The following CRLF1 variants were observed in gnomAD, a reference collection of about 807,000 sequenced individuals.
CRLF1 encodes the protein cytokine receptor like factor 1, also known as cytokine receptor-like factor 1.
In CRLF1, 36 loss-of-function variants were observed where a neutral mutation model predicts 48.9. That is an observed-to-expected ratio of 0.74 (90% CI 0.56 to 0.97). CRLF1 has a LOEUF of 0.97. Among genes scored for constraint, CRLF1 ranks in the 50% least tolerant of loss-of-function variants. The pLI is 0.00. For missense variants in CRLF1, 534 were observed against 575.1 expected, an observed-to-expected ratio of 0.93 and a Z score of 0.73; for synonymous variants, 256 against 253.4, an observed-to-expected ratio of 1.01 and a Z score of -0.10.
rs759145036 is a variant in CRLF1, at chr19:18,594,200, C to G, written c.1212+47G>C. On this transcript the variant is annotated intron_variant, in intron 7 of 8. Coordinates refer to ENST00000392386, the MANE Select transcript of CRLF1 (RefSeq NM_004750.5). Reference sequence around the variant, plus strand: ...CCCCTCCCCTGTTTTCTGGGCCCCCCCAGCTCCCTGTCCCCACCCCCACGC... The same window carrying G: ...CCCCTCCCCTGTTTTCTGGGCCCCCGCAGCTCCCTGTCCCCACCCCCACGC... 4 of 1,610,410 alleles carry G rather than the reference C, an allele frequency of 2.5e-6. No homozygotes were observed. The East Asian group carries it at 6.7e-5, about 27-fold the overall frequency.
At chr19:18,595,185 CG>C (rs930629786) in intron 6 of CRLF1, among the ~76,000 whole-genome samples, 2 of 152,332 alleles carry the variant, frequency 1.3e-5, no homozygotes, top group African/African-American at 4.8e-5. Flanking sequence ...GGCCCTGGCA[CG>C]GCCCCGGCCC....
chr19:18,604,117 C>T (rs1976257045), intron 1 of CRLF1, among the ~76,000 whole-genome samples: 2 of 152,208 alleles, frequency 1.3e-5, no homozygotes, highest in Non-Finnish European at 2.9e-5. Flanking sequence ...ACTCCTCCTG[C>T]CCCCACCACC....
chr19:18,597,362 G>A, intron 4 of CRLF1, among the ~76,000 whole-genome samples: 1 of 151,806 alleles, frequency 6.6e-6, no homozygotes, highest in Non-Finnish European at 1.5e-5. Context: ...GGAGGCCAGG[G>A]GCTGTCAGGC....
intron 6 of CRLF1, among the ~76,000 whole-genome samples, chr19:18,595,094 C>T (rs1976113715): frequency 6.6e-6 from 1 of 152,204 alleles, no homozygotes; most frequent in South Asian, 2.1e-4. Flanking sequence ...GGTCCAGCTG[C>T]CGGCTGCAGC....
In CRLF1 at chr19:18,598,652, A is replaced by C. The variant is rs768145465; in HGVS notation, c.528-51T>G. 5 of 1,613,688 alleles carry C rather than the reference A, an allele frequency of 3.1e-6. No homozygotes were observed. The African/African-American group carries it at 6.7e-5, about 22-fold the overall frequency. On this transcript the variant is annotated intron_variant, in intron 3 of 8. Coordinates refer to ENST00000392386, the MANE Select transcript of CRLF1 (RefSeq NM_004750.5). ...CGCATGAGGGTTCCTTGTGGCCCCC[A>C]GACCTCACCATGGCAGCCTCAGGGT...
rs746912748 is a variant in CRLF1 at position 18,594,262 on chromosome 19, G to C, written c.1197C>G (p.His399Gln). Residue 399 changes from histidine to glutamine, a missense_variant, in exon 7 of 9, where the codon CAC (histidine) becomes CAG (glutamine). Physicochemically the swap from His to Gln is conservative, Grantham distance 24. Transcript: ENST00000392386. The part of the protein sequence containing the change: ...DQWRAWMQKS[H>Q]KTRNQDEGIL... ...TCCTTCCTACCTGGTTGCGGGTCTT[G>C]TGCGACTTCTGCATCCAGGCTCGCC... 6.2e-7 allele frequency: 1 copy of C among 1,612,126 alleles called. No homozygotes were observed. Among genetic ancestry groups the C allele is most frequent in the Admixed American group, 1.7e-5 (1 of 59,918 alleles).
intron 8 of CRLF1, 33 bp downstream of exon 8, chr19:18,594,032 T>TCCCCCCCCC: frequency 1.4e-6 from 1 of 695,814 alleles, no homozygotes. Flanking sequence ...CTCCCCTTGC[T>TCCCCCCCCC]CCCTCCCGCC....
chr19:18,604,003 C>T (rs1399289841), intron 1 of CRLF1, among the ~76,000 whole-genome samples: 2 of 152,198 alleles, frequency 1.3e-5, no homozygotes, highest in Admixed American at 6.5e-5. Flanking sequence ...GTCTCTGCCC[C>T]GGCCCACCCA....
chr19:18,605,657 ATTCT>A (rs1976282773), intron 1 of CRLF1, among the ~76,000 whole-genome samples: 1 of 152,100 alleles, frequency 6.6e-6, no homozygotes, highest in South Asian at 2.1e-4. Flanking sequence ...AGCCAGTGTG[ATTCT>A]TTGTGTGTCT....
Position 18,599,838 on chromosome 19 carries a change from C to G in CRLF1, c.124G>C (p.Val42Leu). 6.5e-7 allele frequency: 1 copy of G among 1,534,612 alleles called. No individual in the cohort carries two copies. Among genetic ancestry groups the G allele is most frequent in the Non-Finnish European group, 8.8e-7 (1 of 1,138,356 alleles). Reference sequence around the variant, plus strand: ...AGCGTGGGATCCTGGGGACTGATCACAGCTGTGTCTGGGGTCAAAGAGGAA... The same window carrying G: ...AGCGTGGGATCCTGGGGACTGATCAGAGCTGTGTCTGGGGTCAAAGAGGAA... ...PRAGSGAHTA[V>L]ISPQDPTLLI... The change falls in exon 2 of 9, where the codon GTG (valine) becomes CTG (leucine). Residue 42 changes from valine (V) to leucine (L), a missense_variant. Physicochemically the swap from Val to Leu is conservative, Grantham distance 32 (BLOSUM62 1). Transcript: ENST00000392386.
At chr19:18,599,073 A>G (rs1328016985) in intron 2 of CRLF1, 172 bp from the exon 3 acceptor site, 1 of 985,322 alleles carries the variant, frequency 1.0e-6, no homozygotes, top group African/African-American at 1.7e-5. Context: ...GACAACTGCA[A>G]GGGCTCTTGA....
Position 18,598,861 on chromosome 19 carries a change from C to T in CRLF1, c.438G>A (p.Lys146=). The T allele has an allele frequency of 6.2e-7, 1 of 1,614,036 alleles. No individual in the cohort carries two copies. The highest frequency in any genetic ancestry group is 1.1e-5 in the South Asian group (1 of 91,078). The part of the protein sequence containing the change: ...EKPVNISCWS[K]NMKDLTCRWT... ...AGCGGCAGGTCAAGTCCTTCATGTT[C>T]TTGGACCAGCAGCTGATGTTGACGG... Residue 146 remains lysine (K), a synonymous_variant, in exon 3 of 9, where the codon AAG becomes AAA. Transcript: ENST00000392386.
At chr19:18,597,431 C>CTTTTTTTTTTTTTTTTTTTTTTTTTT (rs765610119) in intron 4 of CRLF1, among the ~76,000 whole-genome samples, 1 of 81,644 alleles carries the variant, frequency 1.2e-5, no homozygotes, top group African/African-American at 6.5e-5. Flanking sequence ...CCCTTCCACT[C>CTTTTTTTTTTTTTTTTTTTTTTTTTT]TTTTTTTTTT....
At chr19:18,594,715 G>T (rs1976107634) in intron 6 of CRLF1, among the ~76,000 whole-genome samples, 3 of 152,068 alleles carry the variant, frequency 2.0e-5, no homozygotes, top group Admixed American at 2.0e-4. Flanking sequence ...GGTGCGAGTG[G>T]AGTGGGGGGA....
intron 2 of CRLF1, 133 bp from the exon 3 acceptor site, chr19:18,599,034 G>C: frequency 6.6e-7 from 1 of 1,514,430 alleles, no homozygotes; most frequent in Non-Finnish European, 8.8e-7. Context: ...TCTCAGCCCT[G>C]TGCTGAGAAA....
chr19:18,594,029 T>TGCGGGGGGGG (rs1976092374), intron 8 of CRLF1, 36 bp downstream of exon 8: 25 of 1,366,614 alleles, frequency 1.8e-5, no homozygotes, highest in East Asian at 5.1e-5. Context: ...GCCCTCCCCT[T>TGCGGGGGGGG]GCTCCCTCCC....
intron 2 of CRLF1, chr19:18,599,104 C>T (rs944227852): frequency 8.1e-6 from 8 of 985,154 alleles, no homozygotes; most frequent in Admixed American, 1.2e-4. Flanking sequence ...ACTCGATCTC[C>T]GGGTTCTTTT....
chr19:18,599,352 C>T (rs1976187853), intron 2 of CRLF1, among the ~76,000 whole-genome samples: 2 of 152,190 alleles, frequency 1.3e-5, no homozygotes, highest in Non-Finnish European at 2.9e-5. Context: ...GTGATCCACC[C>T]ACCTCAGCCT....
intron 1 of CRLF1, among the ~76,000 whole-genome samples, chr19:18,605,208 T>A (rs144109904): frequency 0.023 from 3,415 of 151,700 alleles, 46 homozygotes; most frequent in Middle Eastern, 0.061. Flanking sequence ...GCGCTCACAG[T>A]GGCACTCACA....
Sources: allele counts gnomAD v4.1 joint callset (sites outside exome capture counted in the v4.1 genomes callset), GRCh38; gene constraint gnomAD v4.1.1; transcripts MANE v1.5; gene names NCBI Gene and HGNC (gene_info 2026-07-23, HGNC 2026-07-21).